The following CFAP46 variants were observed in gnomAD, a reference collection of about 807,000 sequenced individuals.
CFAP46 encodes cilia and flagella associated protein 46.
A neutral mutation model predicts 325.7 loss-of-function variants in CFAP46; 245 were observed. The observed-to-expected ratio is 0.75, with a 90% CI of 0.68 to 0.84. The LOEUF (loss-of-function observed/expected upper bound fraction) is 0.84. Among genes scored for constraint, CFAP46 ranks in the 40% least tolerant of loss-of-function variants. CFAP46 has a pLI of 0.00. For synonymous variants in CFAP46, 1,523 were observed against 1,495.9 expected (o/e 1.02, Z -0.42); for missense variants, 3,346 against 3,543.0 (o/e 0.94, Z 1.41).
intron 50 of CFAP46, among the ~76,000 whole-genome samples, chr10:132,821,850 C>T (rs1847843636): frequency 7.7e-6 from 1 of 129,266 alleles, no homozygotes; most frequent in Non-Finnish European, 1.6e-5. Context: ...TGTGTGAGCG[C>T]TGATGTGTGC....
chr10:132,920,474 G>A (rs986652769), intron 13 of CFAP46, among the ~76,000 whole-genome samples: 32 of 152,152 alleles, frequency 2.1e-4, no homozygotes, highest in Admixed American at 2.1e-3. Flanking sequence ...TGCTGGCTGC[G>A]CTGTCCAGCT....
In CFAP46 at chr10:132,919,580, G is replaced by C. The variant is rs1057241812; in HGVS notation, c.1731-138C>G. On this transcript the variant is annotated intron_variant, in intron 14 of 57. Coordinates refer to ENST00000368586, the MANE Select transcript of CFAP46 (RefSeq NM_001200049.3). This position sits in a 1 kb window ranked among gnomAD's most constrained non-coding sequence, Gnocchi z 9.7. ...CAAGGTGGCAAGGAGCCCGGCACTC[G>C]CGCTGGGTACGGCCTGGCGGGTGCA... 1.7e-6 allele frequency: 2 copies of C among 1,178,384 alleles called. No individual in the cohort carries two copies. Among genetic ancestry groups the C allele is most frequent in the Non-Finnish European group, 2.3e-6 (2 of 859,258 alleles). 73.0% of individuals were successfully genotyped at this position (1,178,384 alleles called of 1,614,324 possible).
At chr10:132,880,538 G>C (rs1288264299) in intron 28 of CFAP46, among the ~76,000 whole-genome samples, 1 of 152,218 alleles carries the variant, frequency 6.6e-6, no homozygotes, top group Non-Finnish European at 1.5e-5. Flanking sequence ...CTCTGGGCCG[G>C]CCCAGCTGTG....
In CFAP46 at chr10:132,942,296, G is replaced by A; in HGVS notation, c.49+140C>T. The stretch of plus-strand genomic sequence containing the variant: ...TTTGCTCTGGTCAGACGATCGGGAG[G>A]TGGGGGCTCCGGCTGTGGCCCTCGA... On this transcript the variant is annotated intron_variant, in intron 1 of 57. Transcript: ENST00000368586. The A allele has an allele frequency of 4.5e-6, 4 of 893,894 alleles. No individual in the cohort carries two copies. The South Asian group carries it at 6.0e-5, about 13-fold the overall frequency. 55.4% of individuals were successfully genotyped at this position (893,894 alleles called of 1,614,324 possible).
intron 17 of CFAP46, among the ~76,000 whole-genome samples, chr10:132,916,119 T>C: frequency 6.6e-6 from 1 of 152,148 alleles, no homozygotes. Context: ...CTCGATAGCT[T>C]TTCCCACAAT....
rs924410802 is a variant in CFAP46, at chr10:132,884,666, G to A, written c.3627+437C>T. Among the ~76,000 whole-genome samples the A allele has an allele frequency of 1.5e-4, 23 of 152,206 alleles. No homozygotes were observed. The highest frequency in any genetic ancestry group is 4.4e-5 in the Non-Finnish European group (3 of 67,994). ...GCCTTCCTGGGGGTGGGGAAGAGAC[G>A]CCAACATCCCCAGAACGCCCACATC... On this transcript the variant is annotated intron_variant, in intron 27 of 57. Transcript: ENST00000368586. The surrounding 1 kb of genome is among the most constrained non-coding windows in gnomAD (Gnocchi z 5.4).
intron 28 of CFAP46, among the ~76,000 whole-genome samples, chr10:132,880,188 T>C (rs1474985220): frequency 6.6e-6 from 1 of 152,198 alleles, no homozygotes; most frequent in Non-Finnish European, 1.5e-5. Context: ...ACGGCAGGAC[T>C]GCCGAGCCAC....
At chr10:132,926,294 GGCT>G (rs1849809133) in intron 10 of CFAP46, among the ~76,000 whole-genome samples, 1 of 152,228 alleles carries the variant, frequency 6.6e-6, no homozygotes, top group Non-Finnish European at 1.5e-5. Flanking sequence ...GCTCCGTGGG[GGCT>G]GCAGGAGGAG....
intron 39 of CFAP46, among the ~76,000 whole-genome samples, chr10:132,851,903 G>A (rs1848555629): frequency 6.7e-6 from 1 of 149,082 alleles, no homozygotes; most frequent in Non-Finnish European, 1.5e-5. Context: ...GACGTGGTAT[G>A]TTCCTCCATT....
chr10:132,815,240 T>C (rs1847670799), intron 50 of CFAP46, among the ~76,000 whole-genome samples: 1 of 152,186 alleles, frequency 6.6e-6, no homozygotes, highest in South Asian at 2.1e-4. Context: ...GGGCCTTCTG[T>C]ACAGGGATTT....
intron 5 of CFAP46, 35 bp downstream of exon 5, chr10:132,938,554 G>A (rs376766135): frequency 6.9e-5 from 111 of 1,600,554 alleles, no homozygotes; most frequent in African/African-American, 1.7e-4. Flanking sequence ...GCGGCCCACC[G>A]GGAGGCCACA....
chr10:132,863,402 A>G (rs552772788), intron 35 of CFAP46, among the ~76,000 whole-genome samples: 27 of 152,206 alleles, frequency 1.8e-4, no homozygotes, highest in Non-Finnish European at 3.7e-4. Context: ...TGCTGCACCC[A>G]TGTATGTCCC....
intron 18 of CFAP46, 27 bp downstream of exon 18, chr10:132,913,019 C>T (rs1472055711): frequency 1.7e-5 from 26 of 1,545,690 alleles, no homozygotes; most frequent in South Asian, 2.4e-5. Flanking sequence ...CCCCTCCCTG[C>T]GTGAACGCAG....
intron 8 of CFAP46, among the ~76,000 whole-genome samples, chr10:132,932,590 G>GAGGCTTCCTCCTCCC: frequency 6.7e-6 from 1 of 148,174 alleles, no homozygotes; most frequent in Middle Eastern, 3.8e-3. Context: ...CATAGATCCT[G>GAGGCTTCCTCCTCCC]CAGCTTCCTC....
Position 132,847,521 on chromosome 10 carries a change from C to T in CFAP46, c.5953-200G>A, listed in dbSNP as rs750572943. On this transcript the variant is annotated intron_variant, in intron 41 of 57. Coordinates refer to ENST00000368586, the MANE Select transcript of CFAP46 (RefSeq NM_001200049.3). The surrounding 1 kb of genome is among the most constrained non-coding windows in gnomAD (Gnocchi z 5.2). ...ATGCAGGGTGGCCCTGACCCGTGAG[C>T]CTGGGCAAGGGGACGCTGGAGCCTG... Among the ~76,000 whole-genome samples the T allele has an allele frequency of 6.6e-6, 1 of 152,032 alleles. No individual in the cohort carries two copies. The highest frequency in any genetic ancestry group is 2.1e-4 in the South Asian group (1 of 4,824).
intron 24 of CFAP46, among the ~76,000 whole-genome samples, chr10:132,893,310 A>T (rs911911753): frequency 2.0e-5 from 3 of 152,252 alleles, no homozygotes; most frequent in Non-Finnish European, 4.4e-5. Context: ...GAAGTCAGCC[A>T]ATGTATTGAG....
intron 27 of CFAP46, among the ~76,000 whole-genome samples, chr10:132,882,282 T>C (rs920903747): frequency 3.4e-5 from 5 of 148,004 alleles, no homozygotes; most frequent in Non-Finnish European, 6.0e-5. Context: ...TGGGTGTGAA[T>C]GGTGTGTATG....
rs751434989 is a variant in CFAP46, at chr10:132,847,007, G to A, written c.6192C>T (p.Ala2064=). 1.9e-5 allele frequency: 31 copies of A among 1,610,300 alleles called. No homozygotes were observed. Among genetic ancestry groups the A allele is most frequent in the African/African-American group, 2.7e-5 (2 of 74,886 alleles). The change falls in exon 43 of 58, where the codon GCC becomes GCT. Residue 2064 remains alanine (A), a synonymous_variant. Transcript: ENST00000368586. This position sits in a 1 kb window ranked among gnomAD's most constrained non-coding sequence, Gnocchi z 5.2. ...LGSGLLDVAA[A]ASLEMVECVG... is the part of the protein sequence containing the mutation. The stretch of plus-strand genomic sequence containing the variant: ...CACACTCCACCATCTCCAGGCTGGC[G>A]GCTGCTGCGACATCCAGGAGGCCAC...
intron 44 of CFAP46, among the ~76,000 whole-genome samples, chr10:132,839,166 G>A (rs762579524): frequency 1.4e-4 from 22 of 152,142 alleles, no homozygotes; most frequent in Admixed American, 3.3e-4. Flanking sequence ...CTTGACTCTC[G>A]GCAGGGCGTT....
Sources: allele counts gnomAD v4.1 joint callset (sites outside exome capture counted in the v4.1 genomes callset), GRCh38; gene constraint gnomAD v4.1.1; non-coding constraint Gnocchi (gnomAD v3.1); transcripts MANE v1.5; gene names NCBI Gene and HGNC (gene_info 2026-07-23, HGNC 2026-07-21).